Variants in MBD3 observed in about 807,000 individuals in gnomAD.
MBD3 encodes methyl-CpG-binding domain protein 3.
In MBD3, 13 loss-of-function variants were observed where a neutral mutation model predicts 31.2. The ratio of observed to expected loss-of-function variants is 0.42; its 90% confidence interval spans 0.27 to 0.66. The LOEUF is 0.66. Ranked by LOEUF, MBD3 falls within the 30% of genes least tolerant of loss-of-function variation. The pLI is 0.26. For missense variants in MBD3, 440 were observed against 426.5 expected, an observed-to-expected ratio of 1.03 and a Z score of -0.28; for synonymous variants, 223 against 187.4, an observed-to-expected ratio of 1.19 and a Z score of -1.55.
At position 1,584,647 on chromosome 19, in the gene MBD3, C is replaced by G. The variant is rs147057571; in HGVS notation, c.301G>C (p.Val101Leu). ...TTGAAGATGGACGCCGTCTGGCGCA[C>G]GGGCAGCGCCGTGTTCAGGTCGGGC... is the stretch of plus-strand genomic sequence containing the variant. ...GKPDLNTALP[V>L]RQTASIFKQP... is the part of the protein sequence containing the mutation. The change falls in exon 3 of 7, where the codon GTG becomes CTG. Residue 101 changes from valine (V) to leucine (L), a missense_variant. Val to Leu is a conservative substitution (Grantham distance 32). Around this residue, in one of 3 missense-constraint regions of MBD3, gnomAD observed 144 missense variants for 196.9 expected, o/e 0.73. Coordinates refer to ENST00000434436, the MANE Select transcript of MBD3 (RefSeq NM_001281453.2). 1.1e-5 allele frequency: 18 copies of G among 1,613,220 alleles called. No individual in the cohort carries two copies. The African/African-American group carries it at 1.2e-4, about 11-fold the overall frequency.
intron 4 of MBD3, among the ~76,000 whole-genome samples, chr19:1,582,167 G>A: frequency 6.6e-6 from 1 of 151,842 alleles, no homozygotes; most frequent in Non-Finnish European, 1.5e-5. Context: ...CCCGCCAAGT[G>A]CTGGGATTAT....
Position 1,578,319 on chromosome 19 carries a change from C to T in MBD3, c.*5+16G>A, listed in dbSNP as rs777602939. The T allele has an allele frequency of 1.7e-5, 28 of 1,600,944 alleles. No individual in the cohort carries two copies. Among genetic ancestry groups the T allele is most frequent in the East Asian group, 8.9e-5 (4 of 44,868 alleles). On this transcript the variant is annotated intron_variant, in intron 6 of 6. Transcript: ENST00000434436. This position sits in a 1 kb window ranked among gnomAD's most constrained non-coding sequence, Gnocchi z 6.1. ...CCAGGACCCGACTCCAGGGAGCCCC[C>T]GTGGCCCCGCAGCACCTGCCCTAGA...
intron 1 of MBD3, among the ~76,000 whole-genome samples, chr19:1,588,395 G>C (rs2060688679): frequency 6.6e-6 from 1 of 152,160 alleles, no homozygotes; most frequent in African/African-American, 2.4e-5. Flanking sequence ...GCTTCATGTA[G>C]CCACAAGGAA....
intron 1 of MBD3, 115 bp downstream of exon 1, chr19:1,592,407 C>G (rs2060709019): frequency 3.8e-6 from 1 of 265,856 alleles, no homozygotes; most frequent in African/African-American, 2.3e-5. Context: ...CACGCACGCA[C>G]GCACGACGCA....
At position 1,584,687 on chromosome 19, in the gene MBD3, G is replaced by T; in HGVS notation, c.271-10C>A. ...TCAGGTCGGGCTTGCCCTGCGGGAG[G>T]AAGGATATGCAGTCCGGCCTGGGGG... On this transcript the variant is annotated splice_polypyrimidine_tract_variant and intron_variant, in intron 2 of 6. Coordinates refer to ENST00000434436, the MANE Select transcript of MBD3 (RefSeq NM_001281453.2). The T allele has an allele frequency of 6.2e-7, 1 of 1,609,676 alleles. No homozygotes were observed. Among genetic ancestry groups the T allele is most frequent in the Non-Finnish European group, 8.5e-7 (1 of 1,179,408 alleles).
At chr19:1,581,687 G>GT (rs1487413930) in intron 4 of MBD3, 1 of 323,284 alleles carries the variant, frequency 3.1e-6, no homozygotes, top group East Asian at 8.6e-5. Context: ...AGAGGCTGCT[G>GT]TGAGTAGTAA....
chr19:1,582,642 T>A lies in MBD3; in HGVS notation c.479A>T (p.Asp160Val). ...CTCACCCTGCAGGCCCTTGGGGAGG[T>A]CCATGGTCTTGACCAGCTCCTCAGC... The part of the protein sequence containing the change: ...DIAEELVKTM[D>V]LPKGLQGVGP... The change falls in exon 4 of 7, where the codon GAC becomes GTC. Residue 160 changes from aspartate (D) to valine (V), a missense_variant. Asp to Val is a radical substitution (Grantham distance 152, BLOSUM62 -3). Coordinates refer to ENST00000434436, the MANE Select transcript of MBD3 (RefSeq NM_001281453.2). The A allele has an allele frequency of 6.2e-7, 1 of 1,613,736 alleles. No homozygotes were observed. Among genetic ancestry groups the A allele is most frequent in the Non-Finnish European group, 8.5e-7 (1 of 1,179,944 alleles).
At chr19:1,579,742 C>T (rs978592414) in intron 5 of MBD3, among the ~76,000 whole-genome samples, 4 of 152,152 alleles carry the variant, frequency 2.6e-5, no homozygotes, top group Admixed American at 6.6e-5. Flanking sequence ...AACCCACCAC[C>T]GAGTTCCTCA....
chr19:1,592,703 A>AGCTGCCTCCGCTGCC lies in MBD3; in HGVS notation c.-87_-73dup, dbSNP rs1219810674. 4 of 464,024 alleles carry AGCTGCCTCCGCTGCC rather than the reference A, an allele frequency of 8.6e-6. No individual in the cohort carries two copies. Among genetic ancestry groups the AGCTGCCTCCGCTGCC allele is most frequent in the Non-Finnish European group, 1.2e-5 (4 of 347,748 alleles). 28.7% of individuals were successfully genotyped at this position (464,024 alleles called of 1,614,324 possible). ...GACCCCCACTCGCCGCCGCCGCCTC[A>AGCTGCCTCCGCTGCC]GCTGCCTCCGCTGCCGCTGCCGCCG... is the stretch of plus-strand genomic sequence containing the variant. On this transcript the variant is annotated 5_prime_UTR_variant, in exon 1 of 7. Transcript: ENST00000434436.
intron 5 of MBD3, among the ~76,000 whole-genome samples, chr19:1,579,215 C>T (rs1473680866): frequency 1.4e-5 from 2 of 146,262 alleles, no homozygotes; most frequent in Non-Finnish European, 3.0e-5. Flanking sequence ...AAAAAGCAAG[C>T]CTCACCAAAA....
chr19:1,588,574 G>C (rs2060689504), intron 1 of MBD3, among the ~76,000 whole-genome samples: 1 of 151,974 alleles, frequency 6.6e-6, no homozygotes, highest in African/African-American at 2.4e-5. Context: ...CTGAGCTCAG[G>C]AGTTCGAGAC....
rs1487706990 is a variant in MBD3 at position 1,578,680 on chromosome 19, A to T, written c.678-142T>A. 1.2e-5 allele frequency: 18 copies of T among 1,528,486 alleles called. No homozygotes were observed. Among genetic ancestry groups the T allele is most frequent in the Non-Finnish European group, 1.5e-5 (17 of 1,122,846 alleles). 94.7% of individuals were successfully genotyped at this position (1,528,486 alleles called of 1,614,324 possible). A position where few individuals can be genotyped will look rare whatever the true frequency, so the allele number is the denominator to read the frequency against. On this transcript the variant is annotated intron_variant, in intron 5 of 6. Coordinates refer to ENST00000434436, the MANE Select transcript of MBD3 (RefSeq NM_001281453.2). This position sits in a 1 kb window ranked among gnomAD's most constrained non-coding sequence, Gnocchi z 6.1. The stretch of plus-strand genomic sequence containing the variant: ...CCCAGGACCAGCCCTGGCCCGTGCC[A>T]CCCCTCCCTTCACAATCCACGCAGA...
chr19:1,588,394 A>T (rs2060688669), intron 1 of MBD3, among the ~76,000 whole-genome samples: 1 of 152,196 alleles, frequency 6.6e-6, no homozygotes, highest in Non-Finnish European at 1.5e-5. Flanking sequence ...GGCTTCATGT[A>T]GCCACAAGGA....
In MBD3 at chr19:1,578,312, G is replaced by A. The variant is rs1225007715; in HGVS notation, c.*5+23C>T. ...CCCACTGCCAGGACCCGACTCCAGG[G>A]AGCCCCCGTGGCCCCGCAGCACCTG... is the stretch of plus-strand genomic sequence containing the variant. On this transcript the variant is annotated intron_variant, in intron 6 of 6. Coordinates refer to ENST00000434436, the MANE Select transcript of MBD3 (RefSeq NM_001281453.2). This position sits in a 1 kb window ranked among gnomAD's most constrained non-coding sequence, Gnocchi z 6.1. 12 of 1,600,372 alleles carry A rather than the reference G, an allele frequency of 7.5e-6. No homozygotes were observed. Among genetic ancestry groups the A allele is most frequent in the African/African-American group, 1.3e-5 (1 of 74,950 alleles).
chr19:1,581,103 G>A lies in MBD3; in HGVS notation c.666C>T (p.Asp222=), dbSNP rs759364404. Residue 222 remains aspartate, a synonymous_variant, in exon 5 of 7, where the codon GAC becomes GAT. Coordinates refer to ENST00000434436, the MANE Select transcript of MBD3 (RefSeq NM_001281453.2). ...QPLCKAFMVT[D]EDIRKQEELV... ...GGCCAAGGGGCTACCTGATGTCCTCGTCGGTCACCATGAAGGCTTTGCACA... is the reference window on the plus strand; with the variant it reads ...GGCCAAGGGGCTACCTGATGTCCTCATCGGTCACCATGAAGGCTTTGCACA... 2.8e-5 allele frequency: 45 copies of A among 1,614,138 alleles called. No homozygotes were observed. The Admixed American group carries it at 4.0e-4, about 14-fold the overall frequency.
chr19:1,591,028 G>A (rs937050365), intron 1 of MBD3, among the ~76,000 whole-genome samples: 3 of 152,234 alleles, frequency 2.0e-5, no homozygotes, highest in Non-Finnish European at 4.4e-5. Flanking sequence ...GACAGCCTCA[G>A]GATACTCCGC....
Position 1,585,120 on chromosome 19 carries a change from T to A in MBD3, c.205A>T (p.Met69Leu), listed in dbSNP as rs1314476886. The change falls in exon 2 of 7, where the codon ATG becomes TTG. Residue 69 changes from methionine (M) to leucine (L), a missense_variant. This residue lies in a region of MBD3 where 179 missense variants were observed against 134.7 expected (regional missense o/e 1.33). Coordinates refer to ENST00000434436, the MANE Select transcript of MBD3 (RefSeq NM_001281453.2). This position sits in a 1 kb window ranked among gnomAD's most constrained non-coding sequence, Gnocchi z 4.1. ...CTCTTGTTCATCTTGCTCATCAGCATCTTGCCCGTGCGGAAGTCGAAGGTG... is the reference window on the plus strand; with the variant it reads ...CTCTTGTTCATCTTGCTCATCAGCAACTTGCCCGTGCGGAAGTCGAAGGTG... ...LSTFDFRTGK[M>L]LMSKMNKSRQ... is the part of the protein sequence containing the mutation. The A allele has an allele frequency of 1.2e-5, 19 of 1,612,518 alleles. No individual in the cohort carries two copies. The highest frequency in any genetic ancestry group is 1.7e-5 in the Admixed American group (1 of 60,002).
At chr19:1,581,383 AC>A in intron 4 of MBD3, 114 bp from the exon 5 acceptor site, 10 of 1,077,156 alleles carry the variant, frequency 9.3e-6, no homozygotes, top group Non-Finnish European at 1.4e-5. Context: ...CTTGGAAGGA[AC>A]CCCAACTTGG....
rs1023589387 is a variant in MBD3, at chr19:1,592,424, G to A, written c.110+98C>T. 25 of 338,084 alleles carry A rather than the reference G, an allele frequency of 7.4e-5. 1 individual carries two copies. Among genetic ancestry groups the A allele is most frequent in the African/African-American group, 4.7e-4 (21 of 44,358 alleles). 20.9% of individuals were successfully genotyped at this position (338,084 alleles called of 1,614,324 possible). On this transcript the variant is annotated intron_variant, in intron 1 of 6. Coordinates refer to ENST00000434436, the MANE Select transcript of MBD3 (RefSeq NM_001281453.2). ...CGCACGCACGCACGACGCACGCGCG[G>A]GGCCCAGGCCGCGGCCCGGGGCAGG...
Sources: gnomAD v4.1 joint callset for allele counts (sites outside exome capture counted in the v4.1 genomes callset) on GRCh38, gnomAD v4.1.1 for gene constraint, gnomAD v4.1.1 regional missense constraint, Gnocchi (gnomAD v3.1) non-coding constraint, MANE v1.5 for transcripts, NCBI Gene and HGNC (gene_info 2026-07-23, HGNC 2026-07-21) for gene names.